MPPED2: variants seen among roughly 807,000 people sequenced by gnomAD.
MPPED2 encodes the protein metallophosphoesterase domain containing 2.
MPPED2 carries 5 observed loss-of-function variants against 33.0 expected under a neutral mutation model. That is an observed-to-expected ratio of 0.15 (90% CI 0.08 to 0.32). MPPED2 has a LOEUF of 0.32. MPPED2 is among the 10% of genes least tolerant of loss of function. The pLI, the probability that MPPED2 is intolerant of heterozygous loss-of-function variation, is 1.00. For missense variants in MPPED2, 275 were observed against 372.1 expected (o/e 0.74, Z 2.15); for synonymous variants, 136 against 141.9 (o/e 0.96, Z 0.29).
At chr11:30,426,323 G>T (rs1023699597) in intron 4 of MPPED2, among the ~76,000 whole-genome samples, 6 of 152,192 alleles carry the variant, frequency 3.9e-5, no homozygotes, top group African/African-American at 1.4e-4. Context: ...CCATACTGTA[G>T]CATGTGTTAG....
chr11:30,555,020 C>T (rs1169598741), intron 2 of MPPED2, among the ~76,000 whole-genome samples: 1 of 152,204 alleles, frequency 6.6e-6, no homozygotes. Context: ...TTCCCAGATG[C>T]CATGGTATAT....
downstream of MPPED2, among the ~76,000 whole-genome samples, chr11:30,408,822 C>T (rs768217678): frequency 6.6e-6 from 1 of 152,226 alleles, no homozygotes; most frequent in Non-Finnish European, 1.5e-5. Context: ...AATACACAAC[C>T]TGTTCAACAG....
intron 2 of MPPED2, among the ~76,000 whole-genome samples, chr11:30,552,991 A>G (rs938850160): frequency 2.6e-5 from 4 of 152,142 alleles, no homozygotes; most frequent in Admixed American, 1.3e-4. Flanking sequence ...CAACTCCTCT[A>G]GGATAAATAA....
intron 3 of MPPED2, among the ~76,000 whole-genome samples, chr11:30,512,835 TA>T (rs1202918530): frequency 6.6e-6 from 1 of 152,136 alleles, no homozygotes; most frequent in Non-Finnish European, 1.5e-5. Flanking sequence ...AACTCGTCTC[TA>T]CTAAAAATAC....
chr11:30,542,459 C>CAAAAAAAAAAAAAAAAA (rs59474313), intron 2 of MPPED2, among the ~76,000 whole-genome samples: 1 of 77,800 alleles, frequency 1.3e-5, no homozygotes, highest in Admixed American at 1.7e-4. Flanking sequence ...ACCAAAAGTA[C>CAAAAAAAAAAAAAAAAA]AAAAAAAAAA....
At chr11:30,458,914 C>CTTTTTTTTTTTTTT (rs71060450) in intron 4 of MPPED2, among the ~76,000 whole-genome samples, 2 of 64,516 alleles carry the variant, frequency 3.1e-5, no homozygotes, top group Admixed American at 2.1e-4. Context: ...TTGCACAGTT[C>CTTTTTTTTTTTTTT]TTTTTTTTTT....
At position 30,486,198 on chromosome 11, in the gene MPPED2, G is replaced by T. The variant is rs185160138; in HGVS notation, c.536+9098C>A. On this transcript the variant is annotated intron_variant, in intron 4 of 6. Transcript: ENST00000358117. ...AGGAGAAATGCATCACAGGAAGACA[G>T]AAGCAGCTAAGGCTGGAACCAAATA... 2.7e-4 allele frequency among the ~76,000 whole-genome samples: 41 copies of T among 152,308 alleles called. 2 individuals carry two copies. In the East Asian group the frequency reaches 7.2e-3, roughly 27 times the overall value.
At chr11:30,444,288 G>C (rs1385487242) in intron 4 of MPPED2, among the ~76,000 whole-genome samples, 1 of 152,090 alleles carries the variant, frequency 6.6e-6, no homozygotes, top group Non-Finnish European at 1.5e-5. Flanking sequence ...CATGTGCTCG[G>C]GGCAGGGTTG....
chr11:30,432,981 T>C (rs1473712998), intron 4 of MPPED2, among the ~76,000 whole-genome samples: 2 of 152,238 alleles, frequency 1.3e-5, no homozygotes, highest in Admixed American at 1.3e-4. Context: ...CAGCTTTTGA[T>C]ACTAGGCACA....
intron 4 of MPPED2, among the ~76,000 whole-genome samples, chr11:30,473,111 A>T (rs1951020168): frequency 6.6e-6 from 1 of 152,170 alleles, no homozygotes; most frequent in Non-Finnish European, 1.5e-5. Context: ...TAGCAGCTAC[A>T]TGGTATTCTA....
In MPPED2 at chr11:30,398,614, TTGAAATTTATTA is replaced by T. The variant is rs1353705314; in HGVS notation, c.767-9670_767-9659del. Among the ~76,000 whole-genome samples the T allele has an allele frequency of 5.3e-5, 8 of 152,340 alleles. No individual in the cohort carries two copies. In the East Asian group the frequency reaches 1.3e-3, roughly 26 times the overall value. On this transcript the variant is annotated intron_variant, in intron 6 of 6. Coordinates refer to the MPPED2 transcript ENST00000448418. Reference sequence around the variant, plus strand: ...TTTCCCTCTCTGGGCTTCTTGTTTCTTGAAATTTATTATGTCTGTATCCTGTAACAAACCTCT... The same window carrying T: ...TTTCCCTCTCTGGGCTTCTTGTTTCTTGTCTGTATCCTGTAACAAACCTCT...
chr11:30,550,831 T>C (rs1159979157), intron 2 of MPPED2, among the ~76,000 whole-genome samples: 1 of 152,202 alleles, frequency 6.6e-6, no homozygotes, highest in East Asian at 1.9e-4. Context: ...TGAGTTACAG[T>C]GTTTTCTCAC....
At chr11:30,469,972 C>T (rs1453805286) in intron 4 of MPPED2, among the ~76,000 whole-genome samples, 1 of 152,190 alleles carries the variant, frequency 6.6e-6, no homozygotes, top group Non-Finnish European at 1.5e-5. Flanking sequence ...CAGCTAGAAT[C>T]ATGTCATTCG....
downstream of MPPED2, among the ~76,000 whole-genome samples, chr11:30,405,576 T>C (rs902512784): frequency 6.6e-6 from 1 of 152,044 alleles, no homozygotes. Context: ...AGGAAGGAAA[T>C]GAGGAGGAGT....
chr11:30,394,613 T>C (rs182126337), intron 6 of MPPED2, among the ~76,000 whole-genome samples: 12 of 152,330 alleles, frequency 7.9e-5, no homozygotes, highest in Admixed American at 3.3e-4. Context: ...ATTTTTAATT[T>C]GGTTGAATTT....
chr11:30,456,236 C>T (rs1369038140), intron 4 of MPPED2, among the ~76,000 whole-genome samples: 3 of 152,084 alleles, frequency 2.0e-5, no homozygotes, highest in African/African-American at 7.2e-5. Context: ...TGCCAAGTTC[C>T]CTTTGACTAT....
At chr11:30,508,980 G>C (rs1034121115) in intron 3 of MPPED2, among the ~76,000 whole-genome samples, 3 of 152,196 alleles carry the variant, frequency 2.0e-5, no homozygotes, top group Non-Finnish European at 2.9e-5. Flanking sequence ...ATGAATGAAT[G>C]AAGAAATAAT....
At chr11:30,438,559 T>C (rs944946304) in intron 4 of MPPED2, among the ~76,000 whole-genome samples, 1 of 152,172 alleles carries the variant, frequency 6.6e-6, no homozygotes, top group East Asian at 1.9e-4. Flanking sequence ...TGCATCATGG[T>C]AAAAAATAGG....
chr11:30,440,754 A>G (rs1949535061), intron 4 of MPPED2, among the ~76,000 whole-genome samples: 1 of 152,124 alleles, frequency 6.6e-6, no homozygotes. Context: ...CTGCCACTAA[A>G]TCTGGCTGAG....
Sources: gnomAD v4.1 joint callset for allele counts (sites outside exome capture counted in the v4.1 genomes callset) on GRCh38, gnomAD v4.1.1 for gene constraint, MANE v1.5 for transcripts, NCBI Gene and HGNC (gene_info 2026-07-23, HGNC 2026-07-21) for gene names.